PCDHGA1: variants seen among roughly 807,000 people sequenced by gnomAD.
The protein encoded by PCDHGA1 is protocadherin gamma subfamily A, 1.
Under a neutral mutation model 58.0 loss-of-function variants are expected in PCDHGA1, and 32 were observed. That is an observed-to-expected ratio of 0.55 (90% confidence interval 0.42 to 0.74). The LOEUF (loss-of-function observed/expected upper bound fraction) is 0.74. Ranked by LOEUF, PCDHGA1 falls within the 30% of genes least tolerant of loss-of-function variation. The pLI, the probability that PCDHGA1 is intolerant of heterozygous loss-of-function variation, is 0.00. For synonymous variants in PCDHGA1, 498 were observed against 501.1 expected (o/e 0.99, Z 0.08); for missense variants, 1,205 against 1,182.3 (o/e 1.02, Z -0.28).
At chr5:141,408,423 A>G (rs2095103444) in intron 1 of PCDHGA1, 1 of 1,614,078 alleles carries the variant, frequency 6.2e-7, no homozygotes. Flanking sequence ...GAGAAGCTGC[A>G]CTTCAGCGTA....
intron 1 of PCDHGA1, among the ~76,000 whole-genome samples, chr5:141,449,413 C>G (rs2098637966): frequency 6.6e-6 from 1 of 151,656 alleles, no homozygotes; most frequent in African/African-American, 2.4e-5. Flanking sequence ...TCAAGACCAG[C>G]CTGGCCAACA....
In PCDHGA1 at chr5:141,404,831, C is replaced by T. The variant is rs760971907; in HGVS notation, c.2421+71726C>T. 12 of 1,613,738 alleles carry T rather than the reference C, an allele frequency of 7.4e-6. No homozygotes were observed. The highest frequency in any genetic ancestry group is 3.3e-5 in the Admixed American group (2 of 59,978). On this transcript the variant is annotated intron_variant, in intron 1 of 3. Transcript: ENST00000517417. ...GGTGGGGCTGCACACAGGTGAAGTGCGCACAGCTCGGGCCCTGCTAGATAG... is the reference window on the plus strand; with the variant it reads ...GGTGGGGCTGCACACAGGTGAAGTGTGCACAGCTCGGGCCCTGCTAGATAG...
chr5:141,372,297 A>G, intron 1 of PCDHGA1: 1 of 1,613,298 alleles, frequency 6.2e-7, no homozygotes, highest in South Asian at 1.1e-5. Context: ...CTTGGGCGAC[A>G]GGGAGGCCGC....
At chr5:141,372,316 G>A (rs1188130035) in intron 1 of PCDHGA1, 6 of 1,613,520 alleles carry the variant, frequency 3.7e-6, no homozygotes, top group Non-Finnish European at 5.1e-6. Flanking sequence ...GCCCGCCAGC[G>A]CCTGCTGGTC....
At chr5:141,333,752 T>C in intron 1 of PCDHGA1, 1 of 153,376 alleles carries the variant, frequency 6.5e-6, no homozygotes, top group Non-Finnish European at 1.5e-5. Context: ...AGTGGCATGA[T>C]CATGGCTCAC....
chr5:141,409,351 G>T, intron 1 of PCDHGA1: 1 of 1,613,982 alleles, frequency 6.2e-7, no homozygotes, highest in South Asian at 1.1e-5. Flanking sequence ...GAGAAGTCAG[G>T]TGTAATATAG....
At position 141,477,023 on chromosome 5, in the gene PCDHGA1, A is replaced by T. The variant is rs763926460; in HGVS notation, c.2422-17784A>T. ...ATTCGCCTTAGACCTTGTAACCGGG[A>T]TGCTGACAATCAAGGGTCGGCTGGA... is the stretch of plus-strand genomic sequence containing the variant. On this transcript the variant is annotated intron_variant, in intron 1 of 3. Transcript: ENST00000517417. The surrounding 1 kb of genome is among the most constrained non-coding windows in gnomAD (Gnocchi z 4.9). 6.2e-7 allele frequency: 1 copy of T among 1,614,240 alleles called. No homozygotes were observed. The highest frequency in any genetic ancestry group is 8.5e-7 in the Non-Finnish European group (1 of 1,180,040).
intron 1 of PCDHGA1, chr5:141,388,795 C>G (rs1204065309): frequency 6.2e-7 from 1 of 1,613,716 alleles, no homozygotes; most frequent in Non-Finnish European, 8.5e-7. Flanking sequence ...GTTTTAAATA[C>G]ATTAGATTTT....
chr5:141,427,405 C>T (rs1209638263), intron 1 of PCDHGA1: 1 of 462,180 alleles, frequency 2.2e-6, no homozygotes, highest in East Asian at 6.8e-5. Context: ...GATAAAGATT[C>T]GAGAGAAAAT....
At chr5:141,360,171 G>A (rs749092806) in intron 1 of PCDHGA1, 13 of 1,608,392 alleles carry the variant, frequency 8.1e-6, no homozygotes, top group African/African-American at 1.3e-5. Flanking sequence ...GGCTGGTGCG[G>A]TGGCTGCAGG....
At chr5:141,341,097 T>C (rs1005788493) in intron 1 of PCDHGA1, 1 of 1,614,220 alleles carries the variant, frequency 6.2e-7, no homozygotes, top group Non-Finnish European at 8.5e-7. Flanking sequence ...GCCTTCGTCA[T>C]CGTGTTGCTG....
At chr5:141,387,837 T>G (rs2091115137) in intron 1 of PCDHGA1, 1 of 1,597,490 alleles carries the variant, frequency 6.3e-7, no homozygotes, top group African/African-American at 1.3e-5. Flanking sequence ...AGGTTATTTG[T>G]AACCCGGCGT....
intron 1 of PCDHGA1, chr5:141,342,076 A>T (rs1050507047): frequency 2.7e-5 from 4 of 150,400 alleles, no homozygotes; most frequent in Non-Finnish European, 5.9e-5. Flanking sequence ...CTGCTCTATA[A>T]TAAAGCTGTA....
intron 1 of PCDHGA1, chr5:141,427,922 G>A: frequency 6.3e-7 from 1 of 1,580,742 alleles, no homozygotes; most frequent in Non-Finnish European, 8.6e-7. Flanking sequence ...ACATGAGCCG[G>A]CGCATGTTGG....
At chr5:141,389,866 T>G (rs1332106674) in intron 1 of PCDHGA1, 1 of 1,614,082 alleles carries the variant, frequency 6.2e-7, no homozygotes, top group African/African-American at 1.3e-5. Context: ...TTGCACCTGG[T>G]CTTCGCCGAC....
intron 1 of PCDHGA1, among the ~76,000 whole-genome samples, chr5:141,473,343 T>C (rs1309426537): frequency 6.6e-6 from 1 of 152,218 alleles, no homozygotes; most frequent in Non-Finnish European, 1.5e-5. Flanking sequence ...TGCTAGACAG[T>C]GAGGATGCAA....
intron 2 of PCDHGA1, among the ~76,000 whole-genome samples, chr5:141,499,937 C>T (rs1257575594): frequency 6.6e-6 from 1 of 152,082 alleles, no homozygotes; most frequent in Non-Finnish European, 1.5e-5. Context: ...ATCCACCCTC[C>T]TCGGCCTCCC....
At chr5:141,444,692 T>G (rs531452351) in intron 1 of PCDHGA1, among the ~76,000 whole-genome samples, 1 of 152,360 alleles carries the variant, frequency 6.6e-6, no homozygotes, top group South Asian at 2.1e-4. Context: ...TTAAAAATAT[T>G]TTCCTCTTTC....
At chr5:141,435,614 C>T (rs1274100711) in intron 1 of PCDHGA1, among the ~76,000 whole-genome samples, 1 of 152,056 alleles carries the variant, frequency 6.6e-6, no homozygotes, top group Non-Finnish European at 1.5e-5. Context: ...ACATTAAATT[C>T]CCCATAACTT....
Sources: allele counts gnomAD v4.1 joint callset (sites outside exome capture counted in the v4.1 genomes callset), GRCh38; gene constraint gnomAD v4.1.1; non-coding constraint Gnocchi (gnomAD v3.1); transcripts MANE v1.5; gene names NCBI Gene and HGNC (gene_info 2026-07-23, HGNC 2026-07-21).